The following ZNF804A variants were observed in gnomAD, a reference collection of about 807,000 sequenced individuals.
ZNF804A encodes the protein zinc finger protein 804A.
ZNF804A carries 2 observed loss-of-function variants against 16.5 expected under a neutral mutation model. The observed-to-expected ratio is 0.12, with a 90% CI of 0.05 to 0.38. The LOEUF is 0.38. ZNF804A is among the 10% of genes least tolerant of loss of function. The probability of loss-of-function intolerance (pLI) is 0.99; values close to 1 mark genes in which losing one functional copy is unlikely to be tolerated. For missense variants in ZNF804A, 1,473 were observed against 1,390.7 expected (o/e 1.06, Z -0.94); for synonymous variants, 534 against 489.6 (o/e 1.09, Z -1.20).
chr2:184,847,035 G>A (rs1558980441), intron 1 of ZNF804A, among the ~76,000 whole-genome samples: 1 of 152,086 alleles, frequency 6.6e-6, no homozygotes, highest in African/African-American at 2.4e-5. Context: ...TAAAACCTAT[G>A]AATGTACCTC....
chr2:184,818,623 G>A (rs1185424875), intron 1 of ZNF804A, among the ~76,000 whole-genome samples: 1 of 151,842 alleles, frequency 6.6e-6, no homozygotes, highest in Admixed American at 6.6e-5. Flanking sequence ...AAGCTGGATA[G>A]AGTCATGGCC....
At chr2:184,697,652 A>G (rs752540900) in intron 1 of ZNF804A, among the ~76,000 whole-genome samples, 3 of 152,104 alleles carry the variant, frequency 2.0e-5, no homozygotes, top group Non-Finnish European at 2.9e-5. Context: ...ATACTTATCA[A>G]AATAGTTTAG....
At chr2:184,738,125 T>TAA (rs375979448) in intron 1 of ZNF804A, among the ~76,000 whole-genome samples, 21 of 113,976 alleles carry the variant, frequency 1.8e-4, no homozygotes, top group South Asian at 5.7e-4. Flanking sequence ...GAACTTTGTC[T>TAA]AAAAAAAAAA....
intron 1 of ZNF804A, among the ~76,000 whole-genome samples, chr2:184,821,927 G>C (rs1410485546): frequency 6.6e-6 from 1 of 152,144 alleles, no homozygotes; most frequent in Non-Finnish European, 1.5e-5. Flanking sequence ...TGCTGGCGAG[G>C]TTGTGGAGAA....
intron 2 of ZNF804A, among the ~76,000 whole-genome samples, chr2:184,927,066 A>G (rs756582302): frequency 6.6e-6 from 1 of 152,162 alleles, no homozygotes. Flanking sequence ...ATACTTAGGA[A>G]TATCTGTCCA....
At chr2:184,750,131 T>A (rs142169361) in intron 1 of ZNF804A, among the ~76,000 whole-genome samples, 106 of 151,454 alleles carry the variant, frequency 7.0e-4, no homozygotes, top group African/African-American at 2.5e-3. Flanking sequence ...TTTACTTGTG[T>A]TGGTTAATTT....
intron 2 of ZNF804A, among the ~76,000 whole-genome samples, chr2:184,879,586 T>C (rs1322203637): frequency 6.6e-6 from 1 of 151,982 alleles, no homozygotes; most frequent in Non-Finnish European, 1.5e-5. Flanking sequence ...TGTTCATACT[T>C]TTTAGGAATA....
rs143374418 is a variant in ZNF804A at position 184,868,835 on chromosome 2, A to T, written c.255+2323A>T. On this transcript the variant is annotated intron_variant, in intron 2 of 3. Transcript: ENST00000302277. ...AAGCAAATGAGCAAATAAAACTAAA[A>T]CTCCAGCCTAATGCTTGTTAATACC... Among the ~76,000 whole-genome samples, 1,377 of 152,086 alleles carry T rather than the reference A, an allele frequency of 9.1e-3. 22 individuals carry two copies. The highest frequency in any genetic ancestry group is 0.032 in the African/African-American group (1,317 of 41,528).
chr2:184,663,545 C>T (rs1394153309), intron 1 of ZNF804A, among the ~76,000 whole-genome samples: 4 of 152,112 alleles, frequency 2.6e-5, no homozygotes, highest in Non-Finnish European at 5.9e-5. Context: ...AGGAGGCAGA[C>T]AGACTCCTGG....
intron 2 of ZNF804A, among the ~76,000 whole-genome samples, chr2:184,871,618 A>G (rs926252428): frequency 2.0e-5 from 3 of 151,966 alleles, no homozygotes; most frequent in African/African-American, 7.2e-5. Context: ...TGTATGAATG[A>G]AAAGTTTAAA....
chr2:184,908,298 ATC>A (rs1685308381), intron 2 of ZNF804A, among the ~76,000 whole-genome samples: 1 of 151,718 alleles, frequency 6.6e-6, no homozygotes, highest in Non-Finnish European at 1.5e-5. Flanking sequence ...CCATCATTGA[ATC>A]TCTCTCTCTT....
At chr2:184,929,971 CTT>C (rs1685670060) in intron 2 of ZNF804A, among the ~76,000 whole-genome samples, 1 of 152,132 alleles carries the variant, frequency 6.6e-6, no homozygotes, top group Non-Finnish European at 1.5e-5. Context: ...GCTGTTATCT[CTT>C]AATGTGTATG....
rs539864577 is a variant in ZNF804A at position 184,669,742 on chromosome 2, C to T, written c.111+70672C>T. Among the ~76,000 whole-genome samples the T allele has an allele frequency of 2.4e-4, 29 of 123,046 alleles. No individual in the cohort carries two copies. The South Asian group carries it at 7.5e-3, about 32-fold the overall frequency. 80.7% of individuals were successfully genotyped at this position (123,046 alleles called of 152,430 possible). Reference sequence around the variant, plus strand: ...ATCCTCCTGGATGACTTGGTTGCCACATCTCTCTCTCACACACACACGCAC... The same window carrying T: ...ATCCTCCTGGATGACTTGGTTGCCATATCTCTCTCTCACACACACACGCAC... On this transcript the variant is annotated intron_variant, in intron 1 of 3. Coordinates refer to ENST00000302277, the MANE Select transcript of ZNF804A (RefSeq NM_194250.2).
At chr2:184,901,975 A>G (rs1422495472) in intron 2 of ZNF804A, 1 of 152,084 alleles carries the variant, frequency 6.6e-6, no homozygotes, top group East Asian at 1.9e-4. Context: ...TTATACACAA[A>G]TTTAGCTACC....
intron 1 of ZNF804A, among the ~76,000 whole-genome samples, chr2:184,636,458 A>T (rs373324921): frequency 0.14 from 13,413 of 92,900 alleles, 1,230 homozygotes; most frequent in Middle Eastern, 0.22. Flanking sequence ...TGTGTGAGAG[A>T]GAGAGAGAGA....
At chr2:184,672,207 G>A (rs532598300) in intron 1 of ZNF804A, among the ~76,000 whole-genome samples, 7 of 152,272 alleles carry the variant, frequency 4.6e-5, no homozygotes, top group Admixed American at 4.6e-4. Context: ...GGCTACTTTT[G>A]TACTATCTTT....
intron 1 of ZNF804A, among the ~76,000 whole-genome samples, chr2:184,797,743 G>A (rs1694655945): frequency 6.6e-6 from 1 of 151,928 alleles, no homozygotes; most frequent in Admixed American, 6.6e-5. Context: ...TGTTTCCTGT[G>A]TACCTTGGAT....
chr2:184,730,313 AT>A lies in ZNF804A; in HGVS notation c.111+131246del, dbSNP rs985577279. On this transcript the variant is annotated intron_variant, in intron 1 of 3. Transcript: ENST00000302277. The stretch of plus-strand genomic sequence containing the variant: ...CCTTGTCCCTGTGTATCCATAATTT[AT>A]TTCATTATCAACAACCCCTACCAGA... Among the ~76,000 whole-genome samples the A allele has an allele frequency of 8.6e-5, 13 of 151,674 alleles. 1 individual carries two copies. The highest frequency in any genetic ancestry group is 7.9e-4 in the Admixed American group (12 of 15,222).
At chr2:184,915,325 A>G (rs1208036753) in intron 2 of ZNF804A, among the ~76,000 whole-genome samples, 2 of 152,086 alleles carry the variant, frequency 1.3e-5, no homozygotes, top group Admixed American at 1.3e-4. Context: ...ACAGCTATTA[A>G]AATTATTGGT....
Sources: gnomAD v4.1 joint callset for allele counts (sites outside exome capture counted in the v4.1 genomes callset) on GRCh38, gnomAD v4.1.1 for gene constraint, MANE v1.5 for transcripts, NCBI Gene and HGNC (gene_info 2026-07-23, HGNC 2026-07-21) for gene names.